The following ODAD2 variants were observed in gnomAD, a reference collection of about 807,000 sequenced individuals.
ODAD2 encodes the protein outer dynein arm docking complex subunit 2.
A neutral mutation model predicts 106.8 loss-of-function variants in ODAD2; 89 were observed. The observed-to-expected ratio is 0.83, with a 90% CI of 0.70 to 0.99. ODAD2 has a LOEUF of 0.99. ODAD2 is among the 50% of genes least tolerant of loss of function. The pLI, the probability that ODAD2 is intolerant of heterozygous loss-of-function variation, is 0.00. For synonymous variants in ODAD2, 404 were observed against 436.2 expected (o/e 0.93, Z 0.92); for missense variants, 1,168 against 1,238.5 (o/e 0.94, Z 0.85).
chr10:27,916,712 T>A (rs1844400344), intron 16 of ODAD2, among the ~76,000 whole-genome samples: 1 of 152,144 alleles, frequency 6.6e-6, no homozygotes, highest in South Asian at 2.1e-4. Context: ...TTTCTCTAGC[T>A]TACATTATTG....
intron 17 of ODAD2, among the ~76,000 whole-genome samples, chr10:27,877,471 A>T (rs1841418881): frequency 1.3e-5 from 2 of 151,778 alleles, no homozygotes; most frequent in Admixed American, 6.6e-5. Context: ...ATTAGGCTCA[A>T]AACCCTGCAG....
Position 27,890,072 on chromosome 10 carries a change from A to C in ODAD2, c.2610+17591T>G, listed in dbSNP as rs57248296. ...AAATAAAAAATGCATAATCAAAAAA[A>C]TGGAGCAAGTACAATGATAGATCAT... On this transcript the variant is annotated intron_variant, in intron 17 of 19. Transcript: ENST00000305242. 7.9e-3 allele frequency among the ~76,000 whole-genome samples: 1,200 copies of C among 152,320 alleles called. 14 individuals carry two copies. Among genetic ancestry groups the C allele is most frequent in the African/African-American group, 0.027 (1,143 of 41,580 alleles).
At chr10:27,812,771 G>A (rs1031364988) in intron 19 of ODAD2, 146 bp from the exon 20 acceptor site, 25 of 1,230,022 alleles carry the variant, frequency 2.0e-5, no homozygotes, top group African/African-American at 1.4e-4. Flanking sequence ...AAGCAAATAC[G>A]AATATAAACA....
At chr10:27,886,633 T>G (rs567574579) in intron 17 of ODAD2, among the ~76,000 whole-genome samples, 4 of 152,202 alleles carry the variant, frequency 2.6e-5, no homozygotes, top group African/African-American at 9.6e-5. Context: ...TACAGTAATT[T>G]TGTAACTCCA....
intron 17 of ODAD2, among the ~76,000 whole-genome samples, chr10:27,863,223 A>G (rs1840189133): frequency 6.6e-6 from 1 of 152,150 alleles, no homozygotes; most frequent in Non-Finnish European, 1.5e-5. Flanking sequence ...CAGGCACACC[A>G]CAGCCTTCTT....
At position 27,925,470 on chromosome 10, in the gene ODAD2, A is replaced by T. The variant is rs1017231380; in HGVS notation, c.2495+9540T>A. On this transcript the variant is annotated intron_variant, in intron 16 of 19. Transcript: ENST00000305242. ...ATTCCTGATCTCAAATAATCCTCCCACCTCAACCTCCTGAAAGGCTGGAAT... is the reference window on the plus strand; with the variant it reads ...ATTCCTGATCTCAAATAATCCTCCCTCCTCAACCTCCTGAAAGGCTGGAAT... Among the ~76,000 whole-genome samples, 137 of 152,108 alleles carry T rather than the reference A, an allele frequency of 9.0e-4. 1 individual carries two copies. The highest frequency in any genetic ancestry group is 8.9e-3 in the Admixed American group (136 of 15,274).
intron 2 of ODAD2, among the ~76,000 whole-genome samples, chr10:27,990,907 G>A (rs139253028): frequency 2.4e-4 from 37 of 152,062 alleles, no homozygotes; most frequent in African/African-American, 8.9e-4. Context: ...AATAAAATAT[G>A]GCAATATTAT....
intron 16 of ODAD2, among the ~76,000 whole-genome samples, chr10:27,917,524 A>G (rs1055769700): frequency 1.3e-5 from 2 of 152,080 alleles, no homozygotes; most frequent in Non-Finnish European, 2.9e-5. Flanking sequence ...TTAAAAATAA[A>G]GGCAGATATT....
chr10:27,945,699 G>C (rs1479030270), intron 10 of ODAD2, among the ~76,000 whole-genome samples: 2 of 152,194 alleles, frequency 1.3e-5, no homozygotes, highest in Admixed American at 1.3e-4. Flanking sequence ...GACCTGCCAG[G>C]AGATTAAAAT....
intron 17 of ODAD2, among the ~76,000 whole-genome samples, chr10:27,880,344 A>G (rs1841616696): frequency 6.6e-6 from 1 of 152,186 alleles, no homozygotes; most frequent in Admixed American, 6.5e-5. Context: ...TCTTGAAGTA[A>G]ATAATTTATC....
At chr10:27,821,808 T>A (rs777355839) in intron 19 of ODAD2, among the ~76,000 whole-genome samples, 4 of 152,224 alleles carry the variant, frequency 2.6e-5, no homozygotes, top group Non-Finnish European at 4.4e-5. Context: ...TATAAAGACA[T>A]GTTTTAATAT....
chr10:27,865,280 G>T (rs1174931772), intron 17 of ODAD2, among the ~76,000 whole-genome samples: 1 of 152,126 alleles, frequency 6.6e-6, no homozygotes, highest in African/African-American at 2.4e-5. Context: ...TTAAGTCTGG[G>T]TGAGGTCCAC....
chr10:27,865,351 A>T (rs1316963195), intron 17 of ODAD2, among the ~76,000 whole-genome samples: 2 of 152,362 alleles, frequency 1.3e-5, no homozygotes, highest in South Asian at 2.1e-4. Flanking sequence ...TTTATGAATT[A>T]GTCCTTCAGT....
At chr10:27,891,568 A>G (rs1263005305) in intron 17 of ODAD2, among the ~76,000 whole-genome samples, 2 of 152,216 alleles carry the variant, frequency 1.3e-5, no homozygotes, top group South Asian at 2.1e-4. Flanking sequence ...AGATAAGAAT[A>G]CCTGTTTTCT....
intron 17 of ODAD2, among the ~76,000 whole-genome samples, chr10:27,870,269 TG>T (rs1164555239): frequency 6.6e-6 from 1 of 152,136 alleles, no homozygotes; most frequent in African/African-American, 2.4e-5. Context: ...GTCTTCTCTT[TG>T]GCATAGTCTA....
chr10:27,875,076 ACTTCT>A (rs1231605027), intron 17 of ODAD2, among the ~76,000 whole-genome samples: 6 of 151,624 alleles, frequency 4.0e-5, no homozygotes, highest in Non-Finnish European at 7.4e-5. Context: ...TTTTCTCTAA[ACTTCT>A]CTTCTCGCTT....
chr10:27,897,815 G>T (rs1405435444), intron 17 of ODAD2, among the ~76,000 whole-genome samples: 3 of 152,028 alleles, frequency 2.0e-5, no homozygotes, highest in Non-Finnish European at 4.4e-5. Flanking sequence ...GTATTCAGAG[G>T]GTAGGTGAAG....
At chr10:27,975,110 T>C (rs913203578) in intron 7 of ODAD2, among the ~76,000 whole-genome samples, 1 of 152,184 alleles carries the variant, frequency 6.6e-6, no homozygotes, top group Non-Finnish European at 1.5e-5. Flanking sequence ...TCCTGAAACG[T>C]TGCTGAAGTT....
At chr10:27,914,695 T>A (rs80176158) in intron 16 of ODAD2, among the ~76,000 whole-genome samples, 1 of 147,250 alleles carries the variant, frequency 6.8e-6, no homozygotes, top group Non-Finnish European at 1.5e-5. Context: ...TGTGTATATA[T>A]ATATGTGTGT....
Sources: gnomAD v4.1 joint callset for allele counts (sites outside exome capture counted in the v4.1 genomes callset) on GRCh38, gnomAD v4.1.1 for gene constraint, MANE v1.5 for transcripts, NCBI Gene and HGNC (gene_info 2026-07-23, HGNC 2026-07-21) for gene names.